Variants in TTLL5 observed in about 807,000 individuals in gnomAD.
TTLL5 encodes the protein tubulin polyglutamylase TTLL5.
A neutral mutation model predicts 168.4 loss-of-function variants in TTLL5; 132 were observed. The observed-to-expected ratio is 0.78, with a 90% confidence interval of 0.68 to 0.91. The LOEUF (loss-of-function observed/expected upper bound fraction) is 0.91, where lower values mean the gene tolerates loss of function less well. Among genes scored for constraint, TTLL5 ranks in the 40% least tolerant of loss-of-function variants. The probability of loss-of-function intolerance (pLI) is 0.00; values close to 1 mark genes in which losing one functional copy is unlikely to be tolerated. For missense variants in TTLL5, 1,545 were observed against 1,581.5 expected, an observed-to-expected ratio of 0.98 and a Z score of 0.39; for synonymous variants, 546 against 558.6, an observed-to-expected ratio of 0.98 and a Z score of 0.32.
At chr14:75,794,952 C>G (rs1449062764) in intron 27 of TTLL5, among the ~76,000 whole-genome samples, 1 of 152,206 alleles carries the variant, frequency 6.6e-6, no homozygotes, top group Admixed American at 6.5e-5. Context: ...CTCTACTCTT[C>G]TGACACTGAC....
chr14:75,719,668 C>A, intron 10 of TTLL5, 67 bp from the exon 11 acceptor site: 4 of 1,347,464 alleles, frequency 3.0e-6, no homozygotes, highest in South Asian at 1.7e-5. Flanking sequence ...AGGCTATTTG[C>A]AAAGAGTCTT....
chr14:75,771,472 A>G (rs1363100561), intron 20 of TTLL5, among the ~76,000 whole-genome samples: 1 of 152,182 alleles, frequency 6.6e-6, no homozygotes, highest in African/African-American at 2.4e-5. Context: ...CTAATTTTCT[A>G]TTCTTCTTTT....
At chr14:75,668,395 A>G (rs1331414753) in intron 2 of TTLL5, among the ~76,000 whole-genome samples, 1 of 152,198 alleles carries the variant, frequency 6.6e-6, no homozygotes, top group Non-Finnish European at 1.5e-5. Flanking sequence ...CCTGCAGTTC[A>G]TAGTATGGGC....
chr14:75,766,976 C>G (rs1234968572), intron 20 of TTLL5, among the ~76,000 whole-genome samples: 1 of 151,906 alleles, frequency 6.6e-6, no homozygotes, highest in Non-Finnish European at 1.5e-5. Context: ...CCAGCCTGAC[C>G]AACATGGAGA....
rs1891920481 is a variant in TTLL5 at position 75,779,504 on chromosome 14, A to G, written c.2388-71A>G. ...CCCTTTTCCAGCTTGCTCTGTTTTC[A>G]TAATAAAATCTGGTGGAAAGATTTT... is the stretch of plus-strand genomic sequence containing the variant. On this transcript the variant is annotated intron_variant, in intron 23 of 31. Transcript: ENST00000298832. 8 of 1,578,104 alleles carry G rather than the reference A, an allele frequency of 5.1e-6. No homozygotes were observed. The South Asian group carries it at 8.5e-5, about 17-fold the overall frequency.
At chr14:75,889,400 ATAGATACATAACT>A (rs2032277730) in intron 30 of TTLL5, among the ~76,000 whole-genome samples, 1 of 152,260 alleles carries the variant, frequency 6.6e-6, no homozygotes. Flanking sequence ...GATTAAATCA[ATAGATACATAACT>A]TTGTGCCCTA....
chr14:75,742,543 G>A (rs1018240792), intron 15 of TTLL5, among the ~76,000 whole-genome samples: 27 of 152,184 alleles, frequency 1.8e-4, no homozygotes, highest in African/African-American at 6.5e-4. Context: ...CCACAGGCAT[G>A]TGCCACCAAG....
chr14:75,725,741 C>G (rs1295062137), intron 12 of TTLL5, among the ~76,000 whole-genome samples: 1 of 152,178 alleles, frequency 6.6e-6, no homozygotes, highest in East Asian at 1.9e-4. Context: ...ATCATCCTTT[C>G]TAGCAGATCA....
intron 27 of TTLL5, among the ~76,000 whole-genome samples, chr14:75,811,050 A>G (rs1267694074): frequency 6.6e-6 from 1 of 150,868 alleles, no homozygotes; most frequent in Non-Finnish European, 1.5e-5. Context: ...CCTTGCAGAG[A>G]CATTAACCAC....
intron 29 of TTLL5, among the ~76,000 whole-genome samples, chr14:75,880,302 G>GA (rs982340878): frequency 3.9e-5 from 6 of 152,066 alleles, no homozygotes; most frequent in African/African-American, 1.2e-4. Flanking sequence ...GATTTTGGGG[G>GA]AAAAAATTAT....
intron 7 of TTLL5, among the ~76,000 whole-genome samples, chr14:75,702,462 T>C (rs942645973): frequency 3.3e-5 from 5 of 152,226 alleles, no homozygotes; most frequent in African/African-American, 1.2e-4. Flanking sequence ...TGCTTTTTAT[T>C]TTCTTAGATA....
At chr14:75,756,485 T>A (rs945385286) in intron 18 of TTLL5, among the ~76,000 whole-genome samples, 1 of 147,830 alleles carries the variant, frequency 6.8e-6, no homozygotes, top group African/African-American at 2.5e-5. Context: ...CACACGTACA[T>A]AAATGAGTAC....
chr14:75,741,151 T>C (rs1889239270), intron 15 of TTLL5, among the ~76,000 whole-genome samples: 1 of 152,208 alleles, frequency 6.6e-6, no homozygotes, highest in Admixed American at 6.5e-5. Flanking sequence ...GCAATGATGG[T>C]TAGATATGTA....
intron 29 of TTLL5, among the ~76,000 whole-genome samples, chr14:75,864,974 T>C (rs1457111412): frequency 1.3e-5 from 2 of 152,218 alleles, no homozygotes; most frequent in South Asian, 4.1e-4. Flanking sequence ...AGTTCATCAA[T>C]TGATCATCTT....
chr14:75,899,675 G>T lies in TTLL5; in HGVS notation c.3741-2467G>T, dbSNP rs534725309. Among the ~76,000 whole-genome samples, 3 of 152,280 alleles carry T rather than the reference G, an allele frequency of 2.0e-5. No homozygotes were observed. In the South Asian group the frequency reaches 6.2e-4, roughly 32 times the overall value. ...CAAGGCCTTTGATGGGAGTTGATGGGAGGGAAGAGGATGGAAGAGTGAGTG... is the reference window on the plus strand; with the variant it reads ...CAAGGCCTTTGATGGGAGTTGATGGTAGGGAAGAGGATGGAAGAGTGAGTG... On this transcript the variant is annotated intron_variant, in intron 30 of 31. Coordinates refer to ENST00000298832, the MANE Select transcript of TTLL5 (RefSeq NM_015072.5).
intron 27 of TTLL5, among the ~76,000 whole-genome samples, chr14:75,815,103 G>T (rs1216288262): frequency 6.6e-6 from 1 of 152,214 alleles, no homozygotes; most frequent in Non-Finnish European, 1.5e-5. Flanking sequence ...TGGGTTAGCA[G>T]TATGAGTCCT....
chr14:75,757,407 T>TTG (rs1379943992), intron 18 of TTLL5, among the ~76,000 whole-genome samples: 2 of 152,206 alleles, frequency 1.3e-5, no homozygotes, highest in East Asian at 3.8e-4. Context: ...GCACTACAGT[T>TTG]TGAGACCTAA....
At chr14:75,863,923 A>AAAAAAAAAAAAC in intron 29 of TTLL5, 61 bp downstream of exon 29, 1 of 1,328,056 alleles carries the variant, frequency 7.5e-7, no homozygotes, top group Non-Finnish European at 9.9e-7. Flanking sequence ...AAAAAAAAAA[A>AAAAAAAAAAAAC]AAAAAAAAAA....
At chr14:75,681,114 T>A (rs1359853500) in intron 3 of TTLL5, among the ~76,000 whole-genome samples, 1 of 152,240 alleles carries the variant, frequency 6.6e-6, no homozygotes, top group Middle Eastern at 3.4e-3. Context: ...TGTGCTTTTT[T>A]ATTAGTGTAT....
Sources: gnomAD v4.1 joint callset for allele counts (sites outside exome capture counted in the v4.1 genomes callset) on GRCh38, gnomAD v4.1.1 for gene constraint, MANE v1.5 for transcripts, NCBI Gene and HGNC (gene_info 2026-07-23, HGNC 2026-07-21) for gene names.